ELOVL5: variants seen among roughly 807,000 people sequenced by gnomAD.
ELOVL5 encodes ELOVL fatty acid elongase 5, also known as very long chain fatty acid elongase 5.
Under a neutral mutation model 38.6 loss-of-function variants are expected in ELOVL5, and 8 were observed. The observed-to-expected ratio is 0.21, with a 90% CI of 0.12 to 0.37. The LOEUF is 0.37. Ranked by LOEUF, ELOVL5 falls within the 10% of genes least tolerant of loss-of-function variation. The pLI is 1.00. For missense variants in ELOVL5, 280 were observed against 367.8 expected (o/e 0.76, Z 1.95); for synonymous variants, 127 against 133.7 (o/e 0.95, Z 0.34).
intron 4 of ELOVL5, 138 bp from the exon 5 acceptor site, chr6:53,275,399 A>T: frequency 1.3e-6 from 1 of 781,352 alleles, no homozygotes; most frequent in Non-Finnish European, 2.1e-6. Context: ...CTTAATGTCC[A>T]TCAGTGGCTG....
chr6:53,348,906 T>A lies in ELOVL5; in HGVS notation c.-98A>T, dbSNP rs549744662. The A allele has an allele frequency of 2.2e-6, 1 of 451,416 alleles. No homozygotes were observed. The highest frequency in any genetic ancestry group is 4.4e-6 in the Non-Finnish European group (1 of 224,746). The allele number at this position is 451,416 out of a possible 1,614,324, so 28.0% of individuals were successfully genotyped here. On this transcript the variant is annotated 5_prime_UTR_variant, in exon 1 of 8. Transcript: ENST00000304434. ...GGGTGGCAGCCGGCGCAGAGGCGGA[T>A]GTAGAAGGAGACACCGGTGGCTAGG...
chr6:53,312,697 CA>C (rs1767893257), intron 1 of ELOVL5, among the ~76,000 whole-genome samples: 1 of 152,182 alleles, frequency 6.6e-6, no homozygotes, highest in Admixed American at 6.5e-5. Context: ...TTATTTCTTA[CA>C]ACTGCATATG....
intron 3 of ELOVL5, among the ~76,000 whole-genome samples, chr6:53,287,084 A>C (rs1766599814): frequency 6.6e-6 from 1 of 152,226 alleles, no homozygotes; most frequent in South Asian, 2.1e-4. Flanking sequence ...TGAAAAGGGG[A>C]AGAAAGATAA....
intron 1 of ELOVL5, among the ~76,000 whole-genome samples, chr6:53,307,314 C>T (rs1442291925): frequency 6.6e-6 from 1 of 152,014 alleles, no homozygotes; most frequent in Non-Finnish European, 1.5e-5. Flanking sequence ...ATCCCTGCTT[C>T]ACCACTTACT....
At chr6:53,330,445 T>G (rs1035854518) in intron 1 of ELOVL5, among the ~76,000 whole-genome samples, 12 of 151,776 alleles carry the variant, frequency 7.9e-5, no homozygotes, top group Admixed American at 3.3e-4. Flanking sequence ...CTACACTAAA[T>G]TTATTTTAAA....
At chr6:53,306,811 G>C (rs1159099819) in intron 1 of ELOVL5, among the ~76,000 whole-genome samples, 5 of 152,176 alleles carry the variant, frequency 3.3e-5, no homozygotes, top group African/African-American at 1.2e-4. Flanking sequence ...ACTTTTAATT[G>C]AGTGAAGCAC....
intron 3 of ELOVL5, among the ~76,000 whole-genome samples, chr6:53,280,173 C>T (rs1412469187): frequency 6.6e-6 from 1 of 152,172 alleles, no homozygotes; most frequent in Non-Finnish European, 1.5e-5. Flanking sequence ...AGGTGAAGTA[C>T]TGAAAATAGG....
intron 1 of ELOVL5, among the ~76,000 whole-genome samples, chr6:53,298,276 C>T (rs1162207996): frequency 6.6e-6 from 1 of 152,200 alleles, no homozygotes; most frequent in Admixed American, 6.5e-5. Flanking sequence ...AAGGCTATGA[C>T]TAATGGATTG....
chr6:53,303,090 G>T (rs1274112125), intron 1 of ELOVL5, among the ~76,000 whole-genome samples: 1 of 152,082 alleles, frequency 6.6e-6, no homozygotes, highest in Non-Finnish European at 1.5e-5. Context: ...TACACAGAAT[G>T]AAAAATTAAA....
chr6:53,327,603 G>C (rs1209607377), intron 1 of ELOVL5, among the ~76,000 whole-genome samples: 1 of 152,182 alleles, frequency 6.6e-6, no homozygotes, highest in African/African-American at 2.4e-5. Flanking sequence ...TTTGGAATTA[G>C]AGGTGACTGT....
rs1057128148 is a variant in ELOVL5 at position 53,330,821 on chromosome 6, T to G, written c.-9+17996A>C. Reference sequence around the variant, plus strand: ...TTTCTATTAATTTTTCTTTTAAAACTTTTTTTTTCCTTAAACACTAAGACA... The same window carrying G: ...TTTCTATTAATTTTTCTTTTAAAACGTTTTTTTTCCTTAAACACTAAGACA... On this transcript the variant is annotated intron_variant, in intron 1 of 7. Coordinates refer to ENST00000304434, the MANE Select transcript of ELOVL5 (RefSeq NM_021814.5). Among the ~76,000 whole-genome samples the G allele has an allele frequency of 4.6e-5, 7 of 152,050 alleles. No individual in the cohort carries two copies. The East Asian group carries it at 1.3e-3, about 29-fold the overall frequency.
At chr6:53,300,045 C>T (rs538516682) in intron 1 of ELOVL5, among the ~76,000 whole-genome samples, 1 of 152,102 alleles carries the variant, frequency 6.6e-6, no homozygotes, top group East Asian at 1.9e-4. Flanking sequence ...AGAGGTAGGC[C>T]CTGGACAACA....
chr6:53,296,831 G>T (rs1482191760), intron 1 of ELOVL5, among the ~76,000 whole-genome samples: 2 of 152,014 alleles, frequency 1.3e-5, no homozygotes, highest in African/African-American at 2.4e-5. Context: ...AACGTCCAAG[G>T]GCAAAGGCAG....
chr6:53,269,652 C>T (rs778605146), intron 7 of ELOVL5, among the ~76,000 whole-genome samples: 4 of 152,314 alleles, frequency 2.6e-5, no homozygotes, highest in East Asian at 1.9e-4. Flanking sequence ...ATCCCTTGTT[C>T]GTCTTCAAAA....
intron 1 of ELOVL5, chr6:53,336,846 G>A (rs1379996104): frequency 6.6e-6 from 1 of 152,138 alleles, no homozygotes. Flanking sequence ...TCTGCTTCTA[G>A]GGCAGCTGGG....
intron 1 of ELOVL5, among the ~76,000 whole-genome samples, chr6:53,301,946 G>A (rs902406505): frequency 2.0e-5 from 3 of 152,252 alleles, no homozygotes; most frequent in South Asian, 4.2e-4. Context: ...GCTGAAAGGA[G>A]CAAGAGAGTG....
intron 1 of ELOVL5, among the ~76,000 whole-genome samples, chr6:53,340,060 AAAG>A (rs767654670): frequency 1.2e-4 from 19 of 152,196 alleles, no homozygotes; most frequent in Non-Finnish European, 2.4e-4. Flanking sequence ...AAAAACTTTA[AAAG>A]GAGAAAAAAA....
intron 1 of ELOVL5, among the ~76,000 whole-genome samples, chr6:53,310,156 C>A (rs916063117): frequency 1.3e-5 from 2 of 152,110 alleles, no homozygotes; most frequent in Non-Finnish European, 2.9e-5. Context: ...AAAATATAAA[C>A]CCTCCCCCTC....
chr6:53,331,416 CTGT>C (rs1768797421), intron 1 of ELOVL5, among the ~76,000 whole-genome samples: 2 of 152,336 alleles, frequency 1.3e-5, no homozygotes, highest in South Asian at 4.1e-4. Flanking sequence ...CTATCAAGCA[CTGT>C]ATATGGTACG....
Sources: gnomAD v4.1 joint callset for allele counts (sites outside exome capture counted in the v4.1 genomes callset) on GRCh38, gnomAD v4.1.1 for gene constraint, MANE v1.5 for transcripts, NCBI Gene and HGNC (gene_info 2026-07-23, HGNC 2026-07-21) for gene names.